MED13: variants seen among roughly 807,000 people sequenced by gnomAD.
MED13 encodes the protein mediator complex subunit 13.
In MED13, 23 loss-of-function variants were observed where a neutral mutation model predicts 225.2. The ratio of observed to expected loss-of-function variants is 0.10; its 90% CI spans 0.07 to 0.14. The LOEUF (loss-of-function observed/expected upper bound fraction) is 0.14. Ranked by LOEUF, MED13 falls within the 10% of genes least tolerant of loss-of-function variation. The pLI is 1.00. For missense variants in MED13, 2,197 were observed against 2,594.5 expected, an observed-to-expected ratio of 0.85 and a Z score of 3.33; for synonymous variants, 942 against 889.2, an observed-to-expected ratio of 1.06 and a Z score of -1.06.
rs369629769 is a variant in MED13 at position 61,961,662 on chromosome 17, T to C, written c.5182A>G (p.Thr1728Ala). 3.3e-5 allele frequency: 54 copies of C among 1,614,008 alleles called. No individual in the cohort carries two copies. The highest frequency in any genetic ancestry group is 9.3e-5 in the African/African-American group (7 of 74,898). The change falls in exon 22 of 30, where the codon ACA (threonine) becomes GCA (alanine). Residue 1728 changes from threonine (T) to alanine (A), a missense_variant. Thr to Ala is a moderately conservative substitution (Grantham distance 58). Coordinates refer to ENST00000397786, the MANE Select transcript of MED13 (RefSeq NM_005121.3). ...GTCAATGTTTTCACATTGGTTGATG[T>C]TGGAAGTGGCCTCCGACACTGGGTA... is the stretch of plus-strand genomic sequence containing the variant. ...AFTQCRRPLP[T>A]STNVKTLTGF...
At chr17:62,048,131 C>T (rs1001744706) in intron 3 of MED13, among the ~76,000 whole-genome samples, 1 of 148,034 alleles carries the variant, frequency 6.8e-6, no homozygotes, top group Non-Finnish European at 1.5e-5. Context: ...AGGGGCTGGA[C>T]ACAGTGGCTC....
At chr17:62,061,227 G>T (rs1028048254) in intron 2 of MED13, among the ~76,000 whole-genome samples, 3 of 151,704 alleles carry the variant, frequency 2.0e-5, no homozygotes, top group Non-Finnish European at 4.4e-5. Flanking sequence ...TTTCTATTAC[G>T]GTAAAACTAG....
At chr17:61,955,894 CATT>C in intron 24 of MED13, 56 bp from the exon 25 acceptor site, 1 of 1,432,872 alleles carries the variant, frequency 7.0e-7, no homozygotes, top group Non-Finnish European at 9.1e-7. Context: ...AAAGTAACAG[CATT>C]ATTAATATCC....
intron 27 of MED13, among the ~76,000 whole-genome samples, chr17:61,951,569 CAAAA>C (rs556040542): frequency 1.3e-5 from 2 of 150,258 alleles, no homozygotes; most frequent in African/African-American, 2.4e-5. Flanking sequence ...TTATCTATAA[CAAAA>C]AAAAATCTTA....
intron 9 of MED13, among the ~76,000 whole-genome samples, chr17:62,008,272 C>G (rs927339860): frequency 1.5e-5 from 2 of 133,312 alleles, no homozygotes; most frequent in African/African-American, 5.9e-5. Flanking sequence ...GAGCAGGGAT[C>G]GCGCAACTGT....
Position 61,982,886 on chromosome 17 carries a change from T to C in MED13, c.3117A>G (p.Ser1039=), listed in dbSNP as rs746492007. Residue 1039 remains serine, a synonymous_variant, in exon 16 of 30, where the codon TCA becomes TCG. Coordinates refer to ENST00000397786, the MANE Select transcript of MED13 (RefSeq NM_005121.3). The stretch of plus-strand genomic sequence containing the variant: ...GGGTAGAAGCTGGTGAATACAAGTC[T>C]GAATTTTCATATTTGACTGAACCTT... ...SAQGSVKYEN[S]DLYSPASTPS... 18 of 1,614,064 alleles carry C rather than the reference T, an allele frequency of 1.1e-5. No individual in the cohort carries two copies. In the East Asian group the frequency reaches 4.0e-4, roughly 36 times the overall value.
At chr17:62,061,801 C>T (rs1328045791) in intron 2 of MED13, among the ~76,000 whole-genome samples, 5 of 152,156 alleles carry the variant, frequency 3.3e-5, no homozygotes, top group African/African-American at 4.8e-5. Context: ...CATCACTTTA[C>T]ACATTTAGAA....
intron 22 of MED13, among the ~76,000 whole-genome samples, chr17:61,961,326 G>A (rs975870868): frequency 4.0e-5 from 6 of 151,828 alleles, no homozygotes; most frequent in African/African-American, 9.7e-5. Flanking sequence ...TCAGGAGTTC[G>A]AAACCAACCT....
intron 16 of MED13, among the ~76,000 whole-genome samples, chr17:61,978,162 T>TTTC (rs1342867186): frequency 6.6e-6 from 1 of 152,216 alleles, no homozygotes; most frequent in Non-Finnish European, 1.5e-5. Context: ...TTTTTTTTTT[T>TTTC]TTCTTCAGAC....
intron 9 of MED13, among the ~76,000 whole-genome samples, chr17:61,998,844 C>T (rs1438932947): frequency 6.6e-6 from 1 of 151,342 alleles, no homozygotes; most frequent in Non-Finnish European, 1.5e-5. Flanking sequence ...AGTGATCCTC[C>T]CATGTTTGCC....
intron 21 of MED13, among the ~76,000 whole-genome samples, chr17:61,962,054 G>C (rs563578209): frequency 6.6e-5 from 10 of 152,130 alleles, no homozygotes; most frequent in Non-Finnish European, 1.2e-4. Flanking sequence ...TTGGGAGGCC[G>C]AGGTGGGCAG....
chr17:61,946,236 A>G lies in MED13; in HGVS notation c.*232T>C, dbSNP rs904863684. ...AAAAAAGGTTAATTTTGCTACGAAA[A>G]TGTTATAATACGTTTTGTATGATCA... On this transcript the variant is annotated 3_prime_UTR_variant, in exon 30 of 30. Transcript: ENST00000397786. 6.6e-5 allele frequency: 26 copies of G among 394,762 alleles called. No individual in the cohort carries two copies. The highest frequency in any genetic ancestry group is 5.2e-4 in the African/African-American group (25 of 48,524). The allele number at this position is 394,762 out of a possible 1,614,324, so 24.5% of individuals were successfully genotyped here.
At chr17:61,979,140 G>T (rs924273504) in intron 16 of MED13, among the ~76,000 whole-genome samples, 1 of 152,102 alleles carries the variant, frequency 6.6e-6, no homozygotes, top group Non-Finnish European at 1.5e-5. Context: ...CATTAAAGAG[G>T]TATTTTTAAA....
chr17:61,982,983 G>A lies in MED13; in HGVS notation c.3020C>T (p.Pro1007Leu), dbSNP rs775711468. 6.2e-7 allele frequency: 1 copy of A among 1,614,138 alleles called. No individual in the cohort carries two copies. ...GAGILPSPST[P>L]RFPTPRTPRT... ...TGGAGTCCTTGGAGTTGGAAACCGA[G>A]GGGTGGATGGAGAAGGAAGAATTCC... is the stretch of plus-strand genomic sequence containing the variant. The change falls in exon 16 of 30, where the codon CCT becomes CTT. Residue 1007 changes from proline to leucine, a missense_variant. By Grantham distance (98) the Pro-to-Leu change is moderately conservative. Around this residue, in one of 12 missense-constraint regions of MED13, gnomAD observed 99 missense variants for 158.5 expected, o/e 0.62. Transcript: ENST00000397786.
intron 8 of MED13, among the ~76,000 whole-genome samples, chr17:62,021,489 C>G (rs868647378): frequency 6.6e-6 from 1 of 151,122 alleles, no homozygotes; most frequent in Non-Finnish European, 1.5e-5. Context: ...CCAGTAGGGG[C>G]GGCCGGGCAG....
At chr17:61,954,494 T>C (rs2079924611) in intron 26 of MED13, among the ~76,000 whole-genome samples, 1 of 152,160 alleles carries the variant, frequency 6.6e-6, no homozygotes, top group East Asian at 1.9e-4. Context: ...TAAGTAAAGA[T>C]GGCTGGGCAT....
chr17:61,991,303 G>C (rs1243908555), intron 11 of MED13, among the ~76,000 whole-genome samples: 1 of 151,648 alleles, frequency 6.6e-6, no homozygotes, highest in Non-Finnish European at 1.5e-5. Flanking sequence ...ATTTTTAGTA[G>C]AGACAGGGTT....
chr17:61,946,300 TAGC>T lies in MED13; in HGVS notation c.*165_*167del. On this transcript the variant is annotated 3_prime_UTR_variant, in exon 30 of 30. Transcript: ENST00000397786. ...AGAGTTCAATAGAGTCAATGAAAAATAGCAGGGTTATAGCCCCTCCCCCCAAGT... is the reference window on the plus strand; with the variant it reads ...AGAGTTCAATAGAGTCAATGAAAAATAGGGTTATAGCCCCTCCCCCCAAGT... 7.2e-6 allele frequency: 5 copies of T among 696,572 alleles called. No homozygotes were observed. The highest frequency in any genetic ancestry group is 1.1e-5 in the Non-Finnish European group (5 of 435,414). The allele number at this position is 696,572 out of a possible 1,614,324, so 43.1% of individuals were successfully genotyped here. A position where few individuals can be genotyped will look rare whatever the true frequency, so the allele number is the denominator to read the frequency against.
At chr17:62,021,407 C>A (rs113148634) in intron 8 of MED13, among the ~76,000 whole-genome samples, 1 of 147,776 alleles carries the variant, frequency 6.8e-6, no homozygotes, top group African/African-American at 2.5e-5. Flanking sequence ...GGCGGCTGGC[C>A]GGGCAGGGGG....
Sources: gnomAD v4.1 joint callset for allele counts (sites outside exome capture counted in the v4.1 genomes callset) on GRCh38, gnomAD v4.1.1 for gene constraint, gnomAD v4.1.1 regional missense constraint, MANE v1.5 for transcripts, NCBI Gene and HGNC (gene_info 2026-07-23, HGNC 2026-07-21) for gene names.